Variants in ZNF442 observed in about 807,000 individuals in gnomAD.
The protein encoded by ZNF442 is zinc finger protein 442.
In ZNF442, 45 loss-of-function variants were observed where a neutral mutation model predicts 57.0. That is an observed-to-expected ratio of 0.79 (90% CI 0.62 to 1.01). The LOEUF (loss-of-function observed/expected upper bound fraction) is 1.01. Ranked by LOEUF, ZNF442 falls within the 50% of genes least tolerant of loss-of-function variation. The pLI, the probability that ZNF442 is intolerant of heterozygous loss-of-function variation, is 0.00. For synonymous variants in ZNF442, 213 were observed against 241.8 expected (o/e 0.88, Z 1.10); for missense variants, 690 against 756.5 (o/e 0.91, Z 1.03).
chr19:12,360,928 A>G (rs1015415999), intron 3 of ZNF442, among the ~76,000 whole-genome samples: 1 of 152,182 alleles, frequency 6.6e-6, no homozygotes, highest in African/African-American at 2.4e-5. Context: ...GCGGTGGCTC[A>G]AGCCTGTAAT....
At chr19:12,356,623 G>A (rs1043704474) in intron 3 of ZNF442, among the ~76,000 whole-genome samples, 31 of 137,278 alleles carry the variant, frequency 2.3e-4, no homozygotes, top group African/African-American at 8.0e-4. Flanking sequence ...GTGAAACTCC[G>A]TCTCAAAAAA....
chr19:12,373,188 G>A, the ZNF442 span, among the ~76,000 whole-genome samples: 60 of 152,130 alleles, frequency 3.9e-4, no homozygotes, highest in African/African-American at 8.9e-4. Context: ...TGACACTTAC[G>A]TCAATTGACA....
chr19:12,352,869 C>T (rs1238996428), intron 4 of ZNF442, 119 bp downstream of exon 4: 12 of 1,250,242 alleles, frequency 9.6e-6, no homozygotes, highest in Non-Finnish European at 1.3e-5. Context: ...ACCACTTAAC[C>T]CTGTGTTGTT....
chr19:12,358,473 G>C (rs1274702531), intron 3 of ZNF442, among the ~76,000 whole-genome samples: 1 of 152,080 alleles, frequency 6.6e-6, no homozygotes, highest in Non-Finnish European at 1.5e-5. Context: ...TCTTTGCTTT[G>C]TGAATAGTGC....
Position 12,351,218 on chromosome 19 carries a change from C to A in ZNF442, c.367G>T (p.Glu123Ter). Residue 123 changes from glutamate to a stop codon, truncating the protein, a stop_gained, in exon 6 of 6, where the codon GAA (glutamate) becomes TAA (stop). Transcript: ENST00000242804. LOFTEE classifies it high-confidence loss of function. ...TTAAGGAATGAACAACCCATGATTT[C>A]TCCACACACACTGCTTTTACATGGA... The part of the protein sequence containing the change: ...VDPCKSSVCG[E>*]IMGCSFLNCY... The A allele has an allele frequency of 6.2e-7, 1 of 1,614,174 alleles. No homozygotes were observed. Among genetic ancestry groups the A allele is most frequent in the Non-Finnish European group, 8.5e-7 (1 of 1,180,036 alleles).
intron 3 of ZNF442, among the ~76,000 whole-genome samples, chr19:12,356,812 C>T (rs1969338153): frequency 6.6e-6 from 1 of 151,634 alleles, no homozygotes; most frequent in Non-Finnish European, 1.5e-5. Flanking sequence ...AAGGCATAAA[C>T]ACACACACAT....
Position 12,351,085 on chromosome 19 carries a change from G to A in ZNF442, c.500C>T (p.Ser167Phe), listed in dbSNP as rs745883416. 1.2e-6 allele frequency: 2 copies of A among 1,614,168 alleles called. No individual in the cohort carries two copies. The highest frequency in any genetic ancestry group is 1.7e-6 in the Non-Finnish European group (2 of 1,180,030). Residue 167 changes from serine to phenylalanine, a missense_variant, in exon 6 of 6, where the codon TCC becomes TTC. Coordinates refer to ENST00000242804, the MANE Select transcript of ZNF442 (RefSeq NM_030824.3). ...GTGAGGTCTTTCCTGTGTTTGAAAGGAGTGGTGATAATTGAAGGCTGTCCC... is the reference window on the plus strand; with the variant it reads ...GTGAGGTCTTTCCTGTGTTTGAAAGAAGTGGTGATAATTGAAGGCTGTCCC... ...QCGTAFNYHH[S>F]FQTQERPHTG...
intron 3 of ZNF442, among the ~76,000 whole-genome samples, chr19:12,356,973 A>C (rs1200159271): frequency 3.3e-5 from 5 of 152,222 alleles, no homozygotes; most frequent in Non-Finnish European, 7.3e-5. Context: ...GGACAAAAAA[A>C]GAATATTTTC....
chr19:12,346,423 T>C lies in ZNF442; in HGVS notation c.*3278A>G, dbSNP rs1823112003. The C allele has an allele frequency of 6.6e-6, 1 of 152,154 alleles. No individual in the cohort carries two copies. The highest frequency in any genetic ancestry group is 2.4e-5 in the African/African-American group (1 of 41,448). 9.4% of individuals were successfully genotyped at this position (152,154 alleles called of 1,614,324 possible). On this transcript the variant is annotated 3_prime_UTR_variant, in exon 6 of 6. Coordinates refer to ENST00000242804, the MANE Select transcript of ZNF442 (RefSeq NM_030824.3). Reference sequence around the variant, plus strand: ...GTACAGAACCATTAATTGGCTATTATGAAAAAAATACGACAACCAGTATAT... The same window carrying C: ...GTACAGAACCATTAATTGGCTATTACGAAAAAAATACGACAACCAGTATAT...
At chr19:12,361,647 T>C (rs965692538) in intron 3 of ZNF442, among the ~76,000 whole-genome samples, 17 of 151,982 alleles carry the variant, frequency 1.1e-4, no homozygotes, top group African/African-American at 4.1e-4. Context: ...AAGGGTTTTT[T>C]TGTTTCTACA....
intron 1 of ZNF442, 108 bp from the exon 2 acceptor site, chr19:12,365,351 C>T (rs561113192): frequency 3.6e-4 from 78 of 214,944 alleles, no homozygotes; most frequent in Non-Finnish European, 5.2e-4. Flanking sequence ...GTCCCGGCTG[C>T]CGGCCCAGCC....
At chr19:12,369,297 CAT>C (rs1206270941), upstream of ZNF442, among the ~76,000 whole-genome samples, 1 of 152,198 alleles carries the variant, frequency 6.6e-6, no homozygotes, top group African/African-American at 2.4e-5. Flanking sequence ...GTTCACAAAT[CAT>C]AAACATGTCT....
chr19:12,370,651 A>G (rs1345381244), upstream of ZNF442, among the ~76,000 whole-genome samples: 1 of 152,070 alleles, frequency 6.6e-6, no homozygotes, highest in African/African-American at 2.4e-5. Flanking sequence ...TAAACAGACT[A>G]GGAAAAAAAA....
At chr19:12,360,616 AC>A (rs1179023726) in intron 3 of ZNF442, among the ~76,000 whole-genome samples, 13 of 152,202 alleles carry the variant, frequency 8.5e-5, no homozygotes, top group African/African-American at 3.1e-4. Flanking sequence ...TCACTCTGTC[AC>A]CCAGACTGGA....
chr19:12,355,220 G>T (rs1246386248), intron 3 of ZNF442, among the ~76,000 whole-genome samples: 1 of 149,532 alleles, frequency 6.7e-6, no homozygotes, highest in Non-Finnish European at 1.5e-5. Context: ...GAACCCAAGA[G>T]GCGGAGCTTG....
upstream of ZNF442, among the ~76,000 whole-genome samples, chr19:12,367,703 C>T (rs192469684): frequency 7.9e-5 from 12 of 152,216 alleles, no homozygotes; most frequent in Admixed American, 7.9e-4. Context: ...GTCTCACGCT[C>T]TGTCCCCCAG....
chr19:12,364,190 G>A (rs1969492139), intron 2 of ZNF442, among the ~76,000 whole-genome samples: 1 of 152,112 alleles, frequency 6.6e-6, no homozygotes, highest in Non-Finnish European at 1.5e-5. Context: ...CGGATCACCT[G>A]AGGTCATGAG....
upstream of ZNF442, among the ~76,000 whole-genome samples, chr19:12,369,729 C>G (rs1568493811): frequency 6.6e-6 from 1 of 151,462 alleles, no homozygotes; most frequent in Non-Finnish European, 1.5e-5. Flanking sequence ...AACCCCGTCT[C>G]TACTAAAACA....
At chr19:12,365,746 G>C (rs1019674294), upstream of ZNF442, 4 of 181,390 alleles carry the variant, frequency 2.2e-5, no homozygotes, top group African/African-American at 9.9e-5. Flanking sequence ...ACACTGATTG[G>C]GTAGAGCTCC....
Sources: gnomAD v4.1 joint callset for allele counts (sites outside exome capture counted in the v4.1 genomes callset) on GRCh38, gnomAD v4.1.1 for gene constraint, MANE v1.5 for transcripts, NCBI Gene and HGNC (gene_info 2026-07-23, HGNC 2026-07-21) for gene names.